Variants in FGD6 observed in about 807,000 individuals in gnomAD.
FGD6 encodes FYVE, RhoGEF and PH domain containing 6.
A neutral mutation model predicts 149.4 loss-of-function variants in FGD6; 90 were observed. That is an observed-to-expected ratio of 0.60 (90% CI 0.51 to 0.72). The LOEUF is 0.72. FGD6 is among the 30% of genes least tolerant of loss of function. The pLI, the probability that FGD6 is intolerant of heterozygous loss-of-function variation, is 0.00. For synonymous variants in FGD6, 527 were observed against 584.0 expected (o/e 0.90, Z 1.41); for missense variants, 1,437 against 1,684.8 (o/e 0.85, Z 2.57).
intron 14 of FGD6, among the ~76,000 whole-genome samples, chr12:95,101,329 C>T (rs1207961332): frequency 1.4e-4 from 22 of 152,066 alleles, no homozygotes; most frequent in Non-Finnish European, 5.9e-5. Context: ...GGCAACAGAG[C>T]GAGACTCTGT....
At chr12:95,123,074 T>C (rs1210255504) in intron 8 of FGD6, among the ~76,000 whole-genome samples, 1 of 151,722 alleles carries the variant, frequency 6.6e-6, no homozygotes, top group Admixed American at 6.6e-5. Flanking sequence ...AAGCGATCTT[T>C]CTGGGCTCTC....
chr12:95,154,975 T>TC (rs1880424465), intron 3 of FGD6, among the ~76,000 whole-genome samples: 1 of 152,032 alleles, frequency 6.6e-6, no homozygotes, highest in Non-Finnish European at 1.5e-5. Flanking sequence ...CATACAACAC[T>TC]GAGGGAAAAA....
In FGD6 at chr12:95,079,985, C is replaced by T. The variant is rs537713718; in HGVS notation, c.*1535G>A. ...TTTTTTTTTGAGATGGAGTCTCGCT[C>T]TGTCATCCCAGGCTGGAGTGCAGTG... is the stretch of plus-strand genomic sequence containing the variant. On this transcript the variant is annotated 3_prime_UTR_variant, in exon 21 of 21. Transcript: ENST00000343958. 3.1e-5 allele frequency: 4 copies of T among 130,660 alleles called. No homozygotes were observed. The highest frequency in any genetic ancestry group is 1.2e-4 in the African/African-American group (4 of 33,782). The allele number at this position is 130,660 out of a possible 1,614,324, so 8.1% of individuals were successfully genotyped here. A position where few individuals can be genotyped will look rare whatever the true frequency, so the allele number is the denominator to read the frequency against.
chr12:95,193,879 A>G (rs1369209541), intron 2 of FGD6, among the ~76,000 whole-genome samples: 1 of 151,184 alleles, frequency 6.6e-6, no homozygotes, highest in Non-Finnish European at 1.5e-5. Context: ...ATGCTATATG[A>G]TTCTATATTT....
intron 3 of FGD6, among the ~76,000 whole-genome samples, chr12:95,168,983 T>C (rs1880909285): frequency 6.6e-6 from 1 of 152,160 alleles, no homozygotes; most frequent in Non-Finnish European, 1.5e-5. Flanking sequence ...GATTAACAAG[T>C]GTCTGGAAAG....
chr12:95,116,851 G>A (rs1315193926), intron 8 of FGD6: 2 of 455,936 alleles, frequency 4.4e-6, no homozygotes, highest in South Asian at 3.1e-5. Context: ...GGCAAAGAGA[G>A]CAGGGCCTGG....
At chr12:95,171,558 C>G (rs1239309189) in intron 3 of FGD6, among the ~76,000 whole-genome samples, 4 of 152,212 alleles carry the variant, frequency 2.6e-5, no homozygotes, top group Non-Finnish European at 5.9e-5. Flanking sequence ...CTCTGTCACC[C>G]AGGCTGGAGT....
At chr12:95,170,603 T>C (rs1212187495) in intron 3 of FGD6, among the ~76,000 whole-genome samples, 2 of 152,032 alleles carry the variant, frequency 1.3e-5, no homozygotes, top group African/African-American at 4.8e-5. Context: ...GATCGCGCCA[T>C]TGTACTCCAG....
intron 2 of FGD6, among the ~76,000 whole-genome samples, chr12:95,205,885 G>A (rs146092096): frequency 1.3e-4 from 20 of 152,246 alleles, no homozygotes; most frequent in South Asian, 2.1e-4. Flanking sequence ...CTTGGAAAGC[G>A]AAATTCAAAA....
In FGD6 at chr12:95,134,968, AC is replaced by A. The variant is rs1879626071; in HGVS notation, c.2995-143del. 4.7e-6 allele frequency: 3 copies of A among 639,212 alleles called. No homozygotes were observed. The Admixed American group carries it at 9.0e-5, about 19-fold the overall frequency. 39.6% of individuals were successfully genotyped at this position (639,212 alleles called of 1,614,324 possible). ...GAGAGGCTCCCTTTTATTTTAAGGT[AC>A]AGCTGTTAGATACACTGAGAGTGAA... is the stretch of plus-strand genomic sequence containing the variant. On this transcript the variant is annotated intron_variant, in intron 7 of 20. Transcript: ENST00000343958.
intron 2 of FGD6, among the ~76,000 whole-genome samples, chr12:95,192,256 TG>T (rs977313780): frequency 2.0e-5 from 3 of 152,154 alleles, no homozygotes; most frequent in Non-Finnish European, 4.4e-5. Context: ...AGAATGTACA[TG>T]TATTTTTTAG....
intron 16 of FGD6, among the ~76,000 whole-genome samples, chr12:95,092,194 G>A (rs2136233730): frequency 6.6e-6 from 1 of 152,234 alleles, no homozygotes; most frequent in East Asian, 1.9e-4. Context: ...ACTCTACCAA[G>A]TTTTTGGGCT....
intron 5 of FGD6, among the ~76,000 whole-genome samples, chr12:95,151,452 G>A (rs1227708997): frequency 1.3e-5 from 2 of 152,002 alleles, no homozygotes; most frequent in African/African-American, 4.8e-5. Flanking sequence ...TATTTTAGCG[G>A]AGATGGGTTT....
intron 2 of FGD6, among the ~76,000 whole-genome samples, chr12:95,197,440 T>C (rs568638356): frequency 6.6e-6 from 1 of 151,704 alleles, no homozygotes; most frequent in Admixed American, 6.6e-5. Context: ...CTCTAAAAAA[T>C]AAAAACAAAC....
At chr12:95,109,889 A>G (rs1049061335) in intron 9 of FGD6, among the ~76,000 whole-genome samples, 4 of 152,076 alleles carry the variant, frequency 2.6e-5, no homozygotes, top group Non-Finnish European at 5.9e-5. Flanking sequence ...CAAAAACAAC[A>G]ACAGTAAATC....
At chr12:95,113,384 C>G (rs1001882333) in intron 9 of FGD6, among the ~76,000 whole-genome samples, 2 of 152,120 alleles carry the variant, frequency 1.3e-5, no homozygotes, top group East Asian at 3.9e-4. Flanking sequence ...AGACGTGCAC[C>G]ATCACACCTG....
intron 16 of FGD6, 97 bp downstream of exon 16, chr12:95,092,602 G>T: frequency 1.6e-6 from 2 of 1,219,694 alleles, no homozygotes; most frequent in South Asian, 1.8e-5. Flanking sequence ...TGTTATTCTT[G>T]AACTATAATG....
intron 5 of FGD6, among the ~76,000 whole-genome samples, chr12:95,147,994 T>C (rs1024143555): frequency 2.0e-4 from 31 of 151,976 alleles, no homozygotes; most frequent in Non-Finnish European, 4.0e-4. Flanking sequence ...GAGAAGGAAA[T>C]ACCAAACCAA....
At position 95,085,127 on chromosome 12, in the gene FGD6, T is replaced by C. The variant is rs79027542; in HGVS notation, c.4108-481A>G. Among the ~76,000 whole-genome samples, 672 of 152,130 alleles carry C rather than the reference T, an allele frequency of 4.4e-3. 7 individuals are homozygous for C. The highest frequency in any genetic ancestry group is 0.015 in the African/African-American group (638 of 41,498). On this transcript the variant is annotated intron_variant, in intron 19 of 20. Coordinates refer to ENST00000343958, the MANE Select transcript of FGD6 (RefSeq NM_018351.4). ...AATCCAAAAAAGCCTATCTTATCTA[T>C]GCTGCTGTCAGATCAATGCAATCTA... is the stretch of plus-strand genomic sequence containing the variant.
Sources: gnomAD v4.1 joint callset for allele counts (sites outside exome capture counted in the v4.1 genomes callset) on GRCh38, gnomAD v4.1.1 for gene constraint, MANE v1.5 for transcripts, NCBI Gene and HGNC (gene_info 2026-07-23, HGNC 2026-07-21) for gene names.